The following ASXL2 variants were observed in gnomAD, a reference collection of about 807,000 sequenced individuals.
ASXL2 encodes the protein ASXL transcriptional regulator 2.
In ASXL2, 23 loss-of-function variants were observed where a neutral mutation model predicts 122.0. The ratio of observed to expected loss-of-function variants is 0.19; its 90% CI spans 0.14 to 0.27. The LOEUF (loss-of-function observed/expected upper bound fraction) is 0.27, where lower values mean the gene tolerates loss of function less well. Ranked by LOEUF, ASXL2 falls within the 10% of genes least tolerant of loss-of-function variation. The pLI is 1.00. For missense variants in ASXL2, 1,518 were observed against 1,713.8 expected, an observed-to-expected ratio of 0.89 and a Z score of 2.02; for synonymous variants, 650 against 637.0, an observed-to-expected ratio of 1.02 and a Z score of -0.31.
chr2:25,877,268 TG>T (rs2090017039), intron 1 of ASXL2, among the ~76,000 whole-genome samples: 1 of 152,216 alleles, frequency 6.6e-6, no homozygotes, highest in Non-Finnish European at 1.5e-5. Flanking sequence ...CCCTCAACGA[TG>T]TATGAACTTC....
intron 9 of ASXL2, 57 bp from the exon 10 acceptor site, chr2:25,756,171 G>T: frequency 9.9e-7 from 1 of 1,008,106 alleles, no homozygotes; most frequent in Non-Finnish European, 1.4e-6. Flanking sequence ...GTATCACGTC[G>T]TATTTGACCT....
chr2:25,761,944 C>A (rs970259600), intron 8 of ASXL2, among the ~76,000 whole-genome samples: 30 of 151,666 alleles, frequency 2.0e-4, no homozygotes, highest in Non-Finnish European at 1.5e-5. Context: ...AAATACAATA[C>A]AGAAAGGTAA....
chr2:25,856,456 G>C (rs2089779729), intron 1 of ASXL2: 1 of 971,066 alleles, frequency 1.0e-6, no homozygotes, highest in Non-Finnish European at 1.6e-6. Flanking sequence ...GGAGTCTCCA[G>C]CTTCTCACTT....
At chr2:25,784,041 G>GAAACTCCATCTCTAAATAAATAAATAAAT (rs1553698309) in intron 5 of ASXL2, among the ~76,000 whole-genome samples, 3 of 146,968 alleles carry the variant, frequency 2.0e-5, no homozygotes, top group Non-Finnish European at 4.5e-5. Flanking sequence ...GCGAAAGAGT[G>GAAACTCCATCTCTAAATAAATAAATAAAT]AAACTCCATC....
chr2:25,842,490 C>T (rs1385621524), intron 2 of ASXL2, among the ~76,000 whole-genome samples: 2 of 151,922 alleles, frequency 1.3e-5, no homozygotes, highest in Admixed American at 6.5e-5. Flanking sequence ...ATTTACTATT[C>T]CTGCTTGCTC....
Position 25,750,281 on chromosome 2 carries a change from TACTGGA to T in ASXL2, c.1269_1274del (p.Pro424_Val425del). 6.2e-7 allele frequency: 1 copy of T among 1,614,050 alleles called. No homozygotes were observed. The highest frequency in any genetic ancestry group is 1.1e-5 in the South Asian group (1 of 91,086). Reference sequence around the variant, plus strand: ...CTTCTTTACACTCTGACTGGGAGACTACTGGAACTATTCTGATAAGAGAGGCCTCTG... The same window carrying T: ...CTTCTTTACACTCTGACTGGGAGACTACTATTCTGATAAGAGAGGCCTCTG... On this transcript the variant is annotated inframe_deletion, in exon 12 of 13. Coordinates refer to ENST00000435504, the MANE Select transcript of ASXL2 (RefSeq NM_018263.6).
Position 25,740,615 on chromosome 2 carries a change from A to T in ASXL2, c.*1414T>A. On this transcript the variant is annotated 3_prime_UTR_variant, in exon 13 of 13. Coordinates refer to ENST00000435504, the MANE Select transcript of ASXL2 (RefSeq NM_018263.6). The stretch of plus-strand genomic sequence containing the variant: ...CTCACAATTTCTTCAGTCACTAGAG[A>T]AGGATTTAAAAACAAAAAAGGAAAC... The T allele has an allele frequency of 4.4e-6, 1 of 229,220 alleles. No homozygotes were observed. The highest frequency in any genetic ancestry group is 6.3e-5 in the East Asian group (1 of 15,984). The allele number at this position is 229,220 out of a possible 1,614,324, so 14.2% of individuals were successfully genotyped here. A position where few individuals can be genotyped will look rare whatever the true frequency, so the allele number is the denominator to read the frequency against.
In ASXL2 at chr2:25,740,869, G is replaced by GTC. The variant is rs879761583; in HGVS notation, c.*1159_*1160insGA. On this transcript the variant is annotated 3_prime_UTR_variant, in exon 13 of 13. Coordinates refer to ENST00000435504, the MANE Select transcript of ASXL2 (RefSeq NM_018263.6). ...TGTGTAAAGTAAGATATAATAAGAT[G>GTC]ATGTCATCCTGTTCAGATGCCTGGG... is the stretch of plus-strand genomic sequence containing the variant. 828 of 190,644 alleles carry GTC rather than the reference G, an allele frequency of 4.3e-3. 3 individuals are homozygous for GTC. The highest frequency in any genetic ancestry group is 7.2e-3 in the Non-Finnish European group (651 of 90,990). The allele number at this position is 190,644 out of a possible 1,614,324, so 11.8% of individuals were successfully genotyped here.
In ASXL2 at chr2:25,743,247, G is replaced by A; in HGVS notation, c.3090C>T (p.Pro1030=). ...AGAGCTGAAGGGGCCTTGGAACCTG[G>A]GGGAGCTGCTTACTTTGCAAGGTTT... ...LGKTLQSKQL[P]QVPRPLQLFS... Residue 1030 remains proline (P), a synonymous_variant, in exon 13 of 13, where the codon CCC becomes CCT. Coordinates refer to ENST00000435504, the MANE Select transcript of ASXL2 (RefSeq NM_018263.6). 6.2e-7 allele frequency: 1 copy of A among 1,613,682 alleles called. No homozygotes were observed. Among genetic ancestry groups the A allele is most frequent in the Non-Finnish European group, 8.5e-7 (1 of 1,179,712 alleles).
rs1425688700 is a variant in ASXL2, at chr2:25,735,780, G to C, written c.*6249C>G. 1 of 152,138 alleles carries C rather than the reference G, an allele frequency of 6.6e-6. No homozygotes were observed. The highest frequency in any genetic ancestry group is 1.5e-5 in the Non-Finnish European group (1 of 68,018). 9.4% of individuals were successfully genotyped at this position (152,138 alleles called of 1,614,324 possible). ...GACAACTTTAGCTATTCCAACAATA[G>C]TTCTCAAAAAAGGTGCATTTTATTA... On this transcript the variant is annotated 3_prime_UTR_variant, in exon 13 of 13. Transcript: ENST00000435504.
At chr2:25,767,870 G>A in intron 7 of ASXL2, 144 bp from the exon 8 acceptor site, 1 of 938,286 alleles carries the variant, frequency 1.1e-6, no homozygotes, top group Non-Finnish European at 1.6e-6. Context: ...GAAAATTAAA[G>A]TCAAAGAGTA....
chr2:25,792,859 G>A (rs1478186952), intron 5 of ASXL2, among the ~76,000 whole-genome samples: 1 of 151,962 alleles, frequency 6.6e-6, no homozygotes, highest in Non-Finnish European at 1.5e-5. Context: ...GCCCTCCTCG[G>A]CTTCCCAAAG....
Position 25,743,661 on chromosome 2 carries a change from G to A in ASXL2, c.2676C>T (p.Thr892=). The A allele has an allele frequency of 1.9e-6, 3 of 1,613,948 alleles. No homozygotes were observed. The highest frequency in any genetic ancestry group is 2.5e-6 in the Non-Finnish European group (3 of 1,179,882). The change falls in exon 13 of 13, where the codon ACC becomes ACT. Residue 892 remains threonine, a synonymous_variant. Transcript: ENST00000435504. The part of the protein sequence containing the change: ...VTPSPLTSLL[T]TATLEKLPVP... ...CAGGAAGCTTTTCTAAAGTGGCTGT[G>A]GTCAATAAAGATGTTAAAGGGGAGG...
intron 3 of ASXL2, among the ~76,000 whole-genome samples, chr2:25,820,344 A>C (rs1327439247): frequency 6.6e-6 from 1 of 152,208 alleles, no homozygotes; most frequent in Non-Finnish European, 1.5e-5. Flanking sequence ...AATTCTTTGT[A>C]CTACCTTTGC....
chr2:25,806,148 T>A (rs2089077794), intron 4 of ASXL2, 81 bp downstream of exon 4: 2 of 850,510 alleles, frequency 2.4e-6, no homozygotes, highest in Non-Finnish European at 3.7e-6. Context: ...AAGAACAGAA[T>A]TCTGTCCCTA....
chr2:25,753,857 T>C (rs1047023624), intron 10 of ASXL2, among the ~76,000 whole-genome samples: 19 of 152,218 alleles, frequency 1.2e-4, no homozygotes, highest in African/African-American at 4.3e-4. Flanking sequence ...AGTACTCAGC[T>C]GAGGCTGACA....
At chr2:25,870,975 G>GT (rs1011772008) in intron 1 of ASXL2, among the ~76,000 whole-genome samples, 7 of 151,624 alleles carry the variant, frequency 4.6e-5, no homozygotes, top group African/African-American at 1.5e-4. Flanking sequence ...CTTGTTTCTT[G>GT]TTTTTTTAAA....
intron 5 of ASXL2, among the ~76,000 whole-genome samples, chr2:25,788,425 C>T (rs2088781005): frequency 6.6e-6 from 1 of 152,044 alleles, no homozygotes; most frequent in Non-Finnish European, 1.5e-5. Flanking sequence ...ACAATTAATT[C>T]TACTTTTTAA....
chr2:25,877,683 G>C (rs1415357248), intron 1 of ASXL2, among the ~76,000 whole-genome samples: 1 of 152,138 alleles, frequency 6.6e-6, no homozygotes, highest in African/African-American at 2.4e-5. Flanking sequence ...GACAAACAGG[G>C]GGCCCGGGGT....
Sources: allele counts gnomAD v4.1 joint callset (sites outside exome capture counted in the v4.1 genomes callset), GRCh38; gene constraint gnomAD v4.1.1; transcripts MANE v1.5; gene names NCBI Gene and HGNC (gene_info 2026-07-23, HGNC 2026-07-21).